The following HSPA6 variants were observed in gnomAD, a reference collection of about 807,000 sequenced individuals.
HSPA6 encodes heat shock protein family A (Hsp70) member 6, also known as heat shock 70 kDa protein 6.
For missense variants in HSPA6, 718 were observed against 860.9 expected (o/e 0.83, Z 2.08); for synonymous variants, 312 against 368.2 (o/e 0.85, Z 1.75).
At position 161,525,079 on chromosome 1, in the gene HSPA6, G is replaced by A. The variant is rs375204172; in HGVS notation, c.421G>A (p.Val141Met). Residue 141 changes from valine (V) to methionine (M), a missense_variant, in exon 1 of 1, where the codon GTG becomes ATG. Physicochemically the swap from Val to Met is conservative, Grantham distance 21. Transcript: ENST00000309758. ...ETAEAYLGQPVKHAVITVPAY... is the reference protein window; with the variant it reads ...ETAEAYLGQPMKHAVITVPAY... Reference sequence around the variant, plus strand: ...GGCCGAGGCGTACCTGGGCCAGCCCGTGAAGCACGCAGTGATCACCGTGCC... The same window carrying A: ...GGCCGAGGCGTACCTGGGCCAGCCCATGAAGCACGCAGTGATCACCGTGCC... The A allele has an allele frequency of 1.9e-5, 30 of 1,613,346 alleles. No individual in the cohort carries two copies. The African/African-American group carries it at 3.5e-4, about 19-fold the overall frequency.
chr1:161,524,551 G>A lies in HSPA6; in HGVS notation c.-108G>A, dbSNP rs1571996647. The A allele has an allele frequency of 2.8e-6, 4 of 1,416,534 alleles. No homozygotes were observed. The highest frequency in any genetic ancestry group is 4.9e-5 in the East Asian group (2 of 40,862). The allele number at this position is 1,416,534 out of a possible 1,614,324, so 87.7% of individuals were successfully genotyped here. On this transcript the variant is annotated 5_prime_UTR_variant, in exon 1 of 1. Coordinates refer to ENST00000309758, the MANE Select transcript of HSPA6 (RefSeq NM_002155.5). ...AAGCGGAGCTGAGCAGATCCGAGCC[G>A]GGCTGGCTGCAGAGAAACCGCAGGG... is the stretch of plus-strand genomic sequence containing the variant.
rs750651630 is a variant in HSPA6 at position 161,525,912 on chromosome 1, G to T, written c.1254G>T (p.Arg418Ser). 1.4e-5 allele frequency: 22 copies of T among 1,602,676 alleles called. No homozygotes were observed. The East Asian group carries it at 4.9e-4, about 36-fold the overall frequency. Residue 418 changes from arginine to serine, a missense_variant, in exon 1 of 1, where the codon AGG (arginine) becomes AGT (serine). Transcript: ENST00000309758. ...AGGVMTTLIQ[R>S]NATIPTKQTQ... ...GGGTGATGACCACGCTGATCCAGAGGAACGCCACTATCCCCACCAAGCAGA... is the reference window on the plus strand; with the variant it reads ...GGGTGATGACCACGCTGATCCAGAGTAACGCCACTATCCCCACCAAGCAGA...
At position 161,524,658 on chromosome 1, in the gene HSPA6, C is replaced by T. The variant is rs41297696; in HGVS notation, c.-1C>T. 4 of 1,364,668 alleles carry T rather than the reference C, an allele frequency of 2.9e-6. No individual in the cohort carries two copies. The African/African-American group carries it at 5.8e-5, about 20-fold the overall frequency. The allele number at this position is 1,364,668 out of a possible 1,614,324, so 84.5% of individuals were successfully genotyped here. On this transcript the variant is annotated 5_prime_UTR_variant, in exon 1 of 1. Coordinates refer to ENST00000309758, the MANE Select transcript of HSPA6 (RefSeq NM_002155.5). The stretch of plus-strand genomic sequence containing the variant: ...CCAGCATCCGACAAGAAGCTTCAGC[C>T]ATGCAGGCCCCACGGGAGCTCGCGG...
Position 161,525,572 on chromosome 1 carries a change from A to G in HSPA6, c.914A>G (p.Glu305Gly). The change falls in exon 1 of 1, where the codon GAG (glutamate) becomes GGG (glycine). Residue 305 changes from glutamate to glycine, a missense_variant. Physicochemically the swap from Glu to Gly is moderately conservative, Grantham distance 98. Transcript: ENST00000309758. ...FYTSITRARF[E>G]ELCSDLFRST... ...ACGTCCATCACTCGTGCCCGCTTTG[A>G]GGAACTGTGCTCAGACCTCTTCCGC... 1 of 1,613,452 alleles carries G rather than the reference A, an allele frequency of 6.2e-7. No homozygotes were observed. Among genetic ancestry groups the G allele is most frequent in the Non-Finnish European group, 8.5e-7 (1 of 1,179,658 alleles).
Position 161,525,119 on chromosome 1 carries a change from A to C in HSPA6, c.461A>C (p.Asp154Ala), listed in dbSNP as rs773966021. 11 of 1,613,420 alleles carry C rather than the reference A, an allele frequency of 6.8e-6. No individual in the cohort carries two copies. Among genetic ancestry groups the C allele is most frequent in the Non-Finnish European group, 8.5e-6 (10 of 1,179,908 alleles). The change falls in exon 1 of 1, where the codon GAC becomes GCC. Residue 154 changes from aspartate to alanine, a missense_variant. Transcript: ENST00000309758. ...ATCACCGTGCCCGCCTATTTCAATG[A>C]CTCGCAGCGCCAGGCCACCAAGGAC... Reference protein sequence around the residue: ...AVITVPAYFNDSQRQATKDAG... With the variant: ...AVITVPAYFNASQRQATKDAG...
In HSPA6 at chr1:161,524,689, A is replaced by T; in HGVS notation, c.31A>T (p.Ile11Phe). Reference sequence around the variant, plus strand: ...GGCCCCACGGGAGCTCGCGGTGGGCATCGACCTGGGCACCACCTACTCGTG... The same window carrying T: ...GGCCCCACGGGAGCTCGCGGTGGGCTTCGACCTGGGCACCACCTACTCGTG... MQAPRELAVG[I>F]DLGTTYSCVG... is the part of the protein sequence containing the mutation. Residue 11 changes from isoleucine to phenylalanine, a missense_variant, in exon 1 of 1, where the codon ATC (isoleucine) becomes TTC (phenylalanine). Physicochemically the swap from Ile to Phe is conservative, Grantham distance 21 (BLOSUM62 0). Transcript: ENST00000309758. The T allele has an allele frequency of 7.1e-7, 1 of 1,405,162 alleles. No individual in the cohort carries two copies. Among genetic ancestry groups the T allele is most frequent in the South Asian group, 1.2e-5 (1 of 80,382 alleles). The allele number at this position is 1,405,162 out of a possible 1,614,324, so 87.0% of individuals were successfully genotyped here. A position where few individuals can be genotyped will look rare whatever the true frequency, so the allele number is the denominator to read the frequency against.
Position 161,524,677 on chromosome 1 carries a change from C to G in HSPA6, c.19C>G (p.Leu7Val). Residue 7 changes from leucine to valine, a missense_variant, in exon 1 of 1, where the codon CTC becomes GTC. Physicochemically the swap from Leu to Val is conservative, Grantham distance 32 (BLOSUM62 1). Transcript: ENST00000309758. Reference sequence around the variant, plus strand: ...TTCAGCCATGCAGGCCCCACGGGAGCTCGCGGTGGGCATCGACCTGGGCAC... The same window carrying G: ...TTCAGCCATGCAGGCCCCACGGGAGGTCGCGGTGGGCATCGACCTGGGCAC... MQAPRE[L>V]AVGIDLGTTY... The G allele has an allele frequency of 3.6e-6, 5 of 1,398,600 alleles. No homozygotes were observed. Among genetic ancestry groups the G allele is most frequent in the Non-Finnish European group, 4.9e-6 (5 of 1,026,516 alleles). The allele number at this position is 1,398,600 out of a possible 1,614,324, so 86.6% of individuals were successfully genotyped here.
At position 161,525,728 on chromosome 1, in the gene HSPA6, A is replaced by G; in HGVS notation, c.1070A>G (p.Asn357Ser). 3.7e-6 allele frequency: 6 copies of G among 1,611,586 alleles called. No individual in the cohort carries two copies. Among genetic ancestry groups the G allele is most frequent in the Non-Finnish European group, 5.1e-6 (6 of 1,178,780 alleles). ...CAGAAGTTGCTGCAGGACTTCTTCAACGGCAAGGAGCTGAACAAGAGCATC... is the reference window on the plus strand; with the variant it reads ...CAGAAGTTGCTGCAGGACTTCTTCAGCGGCAAGGAGCTGAACAAGAGCATC... ...KVQKLLQDFF[N>S]GKELNKSINP... The change falls in exon 1 of 1, where the codon AAC becomes AGC. Residue 357 changes from asparagine (N) to serine (S), a missense_variant. By Grantham distance (46) the Asn-to-Ser change is conservative. Coordinates refer to ENST00000309758, the MANE Select transcript of HSPA6 (RefSeq NM_002155.5).
At position 161,524,623 on chromosome 1, in the gene HSPA6, T is replaced by C. The variant is rs1275054806; in HGVS notation, c.-36T>C. ...CCTCGACGGCGGAGCGGCAGCAGCCTCCGTGGCCTCCAGCATCCGACAAGA... is the reference window on the plus strand; with the variant it reads ...CCTCGACGGCGGAGCGGCAGCAGCCCCCGTGGCCTCCAGCATCCGACAAGA... On this transcript the variant is annotated 5_prime_UTR_variant, in exon 1 of 1. Transcript: ENST00000309758. 37 of 1,226,740 alleles carry C rather than the reference T, an allele frequency of 3.0e-5. No homozygotes were observed. Among genetic ancestry groups the C allele is most frequent in the Non-Finnish European group, 4.0e-5 (36 of 900,496 alleles). The allele number at this position is 1,226,740 out of a possible 1,614,324, so 76.0% of individuals were successfully genotyped here. A position where few individuals can be genotyped will look rare whatever the true frequency, so the allele number is the denominator to read the frequency against.
chr1:161,524,995 G>T lies in HSPA6; in HGVS notation c.337G>T (p.Asp113Tyr), dbSNP rs1676633651. ...PKVRVCYRGE[D>Y]KTFYPEEISS... is the part of the protein sequence containing the mutation. The stretch of plus-strand genomic sequence containing the variant: ...GGTGCGCGTATGCTACCGCGGGGAG[G>T]ACAAGACGTTCTACCCCGAGGAGAT... Residue 113 changes from aspartate to tyrosine, a missense_variant, in exon 1 of 1, where the codon GAC becomes TAC. Transcript: ENST00000309758. 1 of 1,613,288 alleles carries T rather than the reference G, an allele frequency of 6.2e-7. No homozygotes were observed. The highest frequency in any genetic ancestry group is 1.3e-5 in the African/African-American group (1 of 74,994).
rs768397398 is a variant in HSPA6, at chr1:161,526,579, G to A, written c.1921G>A (p.Glu641Lys). 2.2e-4 allele frequency: 342 copies of A among 1,532,090 alleles called. 1 individual carries two copies. Among genetic ancestry groups the A allele is most frequent in the Non-Finnish European group, 2.9e-4 (326 of 1,141,186 alleles). The allele number at this position is 1,532,090 out of a possible 1,614,324, so 94.9% of individuals were successfully genotyped here. The change falls in exon 1 of 1, where the codon GAG becomes AAG. Residue 641 changes from glutamate (E) to lysine (K), a missense_variant. Transcript: ENST00000309758. ...CCCCAGCACCGGCCCCATCATTGAG[G>A]AGGTTGATTGAATGGCCCTTCGTGA... Reference protein sequence around the residue: ...GDPSTGPIIEEVD With the variant: ...GDPSTGPIIEKVD
rs1013958839 is a variant in HSPA6, at chr1:161,526,732, A to C, written c.*142A>C. Reference sequence around the variant, plus strand: ...TTCCCAGGATAACTGAAGTCTTTTGACTTTTTGCGGGGAGGGCGGTTCATC... The same window carrying C: ...TTCCCAGGATAACTGAAGTCTTTTGCCTTTTTGCGGGGAGGGCGGTTCATC... On this transcript the variant is annotated 3_prime_UTR_variant, in exon 1 of 1. Transcript: ENST00000309758. 5.7e-5 allele frequency: 50 copies of C among 875,796 alleles called. No homozygotes were observed. In the African/African-American group the frequency reaches 7.5e-4, roughly 13 times the overall value. The allele number at this position is 875,796 out of a possible 1,614,324, so 54.3% of individuals were successfully genotyped here.
At position 161,525,122 on chromosome 1, in the gene HSPA6, C is replaced by T. The variant is rs754412582; in HGVS notation, c.464C>T (p.Ser155Leu). Residue 155 changes from serine (S) to leucine (L), a missense_variant, in exon 1 of 1, where the codon TCG becomes TTG. By Grantham distance (145) the Ser-to-Leu change is moderately radical. Coordinates refer to ENST00000309758, the MANE Select transcript of HSPA6 (RefSeq NM_002155.5). ...ACCGTGCCCGCCTATTTCAATGACT[C>T]GCAGCGCCAGGCCACCAAGGACGCG... Reference protein sequence around the residue: ...VITVPAYFNDSQRQATKDAGA... With the variant: ...VITVPAYFNDLQRQATKDAGA... The T allele has an allele frequency of 3.7e-6, 6 of 1,613,670 alleles. 1 individual carries two copies. The African/African-American group carries it at 5.3e-5, about 14-fold the overall frequency.
chr1:161,526,544 G>C lies in HSPA6; in HGVS notation c.1886G>C (p.Arg629Pro), dbSNP rs52798304. Residue 629 changes from arginine to proline, a missense_variant, in exon 1 of 1, where the codon CGC (arginine) becomes CCC (proline). Coordinates refer to ENST00000309758, the MANE Select transcript of HSPA6 (RefSeq NM_002155.5). ...PGGSSCGTQA[R>P]QGDPSTGPII... Reference sequence around the variant, plus strand: ...GGCAGCAGTTGTGGCACTCAAGCCCGCCAGGGGGACCCCAGCACCGGCCCC... The same window carrying C: ...GGCAGCAGTTGTGGCACTCAAGCCCCCCAGGGGGACCCCAGCACCGGCCCC... 6.3e-7 allele frequency: 1 copy of C among 1,589,486 alleles called. No homozygotes were observed. Among genetic ancestry groups the C allele is most frequent in the Non-Finnish European group, 8.6e-7 (1 of 1,165,850 alleles).
rs769050632 is a variant in HSPA6, at chr1:161,526,367, G to A, written c.1709G>A (p.Arg570His). 6.9e-6 allele frequency: 11 copies of A among 1,601,534 alleles called. No individual in the cohort carries two copies. Among genetic ancestry groups the A allele is most frequent in the Admixed American group, 5.2e-5 (3 of 58,072 alleles). The change falls in exon 1 of 1, where the codon CGC (arginine) becomes CAC (histidine). Residue 570 changes from arginine to histidine, a missense_variant. Physicochemically the swap from Arg to His is conservative, Grantham distance 29 (BLOSUM62 0). Transcript: ENST00000309758. ...GACAAGATTCCCGAAGAGGACAGGC[G>A]CAAAATGCAAGACAAGTGTCGGGAA... Reference protein sequence around the residue: ...LRDKIPEEDRRKMQDKCREVL... With the variant: ...LRDKIPEEDRHKMQDKCREVL...
chr1:161,524,977 G>C lies in HSPA6; in HGVS notation c.319G>C (p.Val107Leu). The change falls in exon 1 of 1, where the codon GTA becomes CTA. Residue 107 changes from valine to leucine, a missense_variant. Val to Leu is a conservative substitution (Grantham distance 32). Coordinates refer to ENST00000309758, the MANE Select transcript of HSPA6 (RefSeq NM_002155.5). ...VSEGGKPKVR[V>L]CYRGEDKTFY... ...CGAGGGCGGCAAGCCCAAGGTGCGCGTATGCTACCGCGGGGAGGACAAGAC... is the reference window on the plus strand; with the variant it reads ...CGAGGGCGGCAAGCCCAAGGTGCGCCTATGCTACCGCGGGGAGGACAAGAC... 6.2e-7 allele frequency: 1 copy of C among 1,613,490 alleles called. No homozygotes were observed. Among genetic ancestry groups the C allele is most frequent in the Non-Finnish European group, 8.5e-7 (1 of 1,179,934 alleles).
rs768397398 is a variant in HSPA6 at position 161,526,579 on chromosome 1, G to T, written c.1921G>T (p.Glu641Ter). The T allele has an allele frequency of 6.5e-7, 1 of 1,532,090 alleles. No individual in the cohort carries two copies. Among genetic ancestry groups the T allele is most frequent in the Non-Finnish European group, 8.8e-7 (1 of 1,141,186 alleles). 94.9% of individuals were successfully genotyped at this position (1,532,090 alleles called of 1,614,324 possible). ...CCCCAGCACCGGCCCCATCATTGAG[G>T]AGGTTGATTGAATGGCCCTTCGTGA... ...GDPSTGPIIEEVD is the reference protein window; with the variant it reads ...GDPSTGPIIE Residue 641 changes from glutamate (E) to a stop codon, truncating the protein, a stop_gained, in exon 1 of 1, where the codon GAG becomes TAG. Transcript: ENST00000309758. LOFTEE classifies it high-confidence loss of function.
Position 161,525,768 on chromosome 1 carries a change from T to G in HSPA6, c.1110T>G (p.Ala370=). The G allele has an allele frequency of 6.2e-7, 1 of 1,607,276 alleles. No individual in the cohort carries two copies. The highest frequency in any genetic ancestry group is 1.7e-5 in the Admixed American group (1 of 58,824). Residue 370 remains alanine, a synonymous_variant, in exon 1 of 1, where the codon GCT becomes GCG. Transcript: ENST00000309758. ...ELNKSINPDE[A]VAYGAAVQAA... ...ACAAGAGCATCAACCCTGATGAGGC[T>G]GTGGCCTATGGGGCTGCTGTGCAGG...
Position 161,524,632 on chromosome 1 carries a change from T to A in HSPA6, c.-27T>A. On this transcript the variant is annotated 5_prime_UTR_variant, in exon 1 of 1. Coordinates refer to ENST00000309758, the MANE Select transcript of HSPA6 (RefSeq NM_002155.5). ...CGGAGCGGCAGCAGCCTCCGTGGCC[T>A]CCAGCATCCGACAAGAAGCTTCAGC... The A allele has an allele frequency of 1.6e-6, 2 of 1,249,202 alleles. No homozygotes were observed. The highest frequency in any genetic ancestry group is 2.2e-6 in the Non-Finnish European group (2 of 918,834). 77.4% of individuals were successfully genotyped at this position (1,249,202 alleles called of 1,614,324 possible). A position where few individuals can be genotyped will look rare whatever the true frequency, so the allele number is the denominator to read the frequency against.
Sources: allele counts gnomAD v4.1 joint callset, GRCh38; gene constraint gnomAD v4.1.1; transcripts MANE v1.5; gene names NCBI Gene and HGNC (gene_info 2026-07-23, HGNC 2026-07-21).